Variants in SLC9A9 observed in about 807,000 individuals in gnomAD.
SLC9A9 encodes the protein solute carrier family 9 member A9, also known as sodium/hydrogen exchanger 9.
Under a neutral mutation model 77.8 loss-of-function variants are expected in SLC9A9, and 62 were observed. The observed-to-expected ratio is 0.80, with a 90% CI of 0.65 to 0.98. The LOEUF (loss-of-function observed/expected upper bound fraction) is 0.98. Ranked by LOEUF, SLC9A9 falls within the 50% of genes least tolerant of loss-of-function variation. The pLI, the probability that SLC9A9 is intolerant of heterozygous loss-of-function variation, is 0.00. For missense variants in SLC9A9, 775 were observed against 774.9 expected, an observed-to-expected ratio of 1.00 and a Z score of 0.00; for synonymous variants, 320 against 283.5, an observed-to-expected ratio of 1.13 and a Z score of -1.29.
chr3:143,490,759 G>A lies in SLC9A9; in HGVS notation c.1315+2894C>T, dbSNP rs571208395. Reference sequence around the variant, plus strand: ...TGCTGTGGCTATGAGTCTCAAAACAGTGCCAATGAAAGGGCTCAGGAAGGT... The same window carrying A: ...TGCTGTGGCTATGAGTCTCAAAACAATGCCAATGAAAGGGCTCAGGAAGGT... On this transcript the variant is annotated intron_variant, in intron 11 of 15. Transcript: ENST00000316549. 3.5e-4 allele frequency among the ~76,000 whole-genome samples: 54 copies of A among 152,248 alleles called. 2 individuals are homozygous for A. In the South Asian group the frequency reaches 0.011, roughly 32 times the overall value.
At chr3:143,699,242 T>A (rs1006883988) in intron 4 of SLC9A9, among the ~76,000 whole-genome samples, 1 of 152,176 alleles carries the variant, frequency 6.6e-6, no homozygotes, top group Non-Finnish European at 1.5e-5. Flanking sequence ...AGACTTTTTA[T>A]TTTGAGATAG....
intron 8 of SLC9A9, among the ~76,000 whole-genome samples, chr3:143,565,587 G>C (rs2037154516): frequency 6.6e-6 from 1 of 152,112 alleles, no homozygotes; most frequent in South Asian, 2.1e-4. Context: ...CTTTACACCT[G>C]TGTTTATTGA....
rs543803557 is a variant in SLC9A9, at chr3:143,513,475, G to A, written c.1090-18027C>T. On this transcript the variant is annotated intron_variant, in intron 9 of 15. Coordinates refer to ENST00000316549, the MANE Select transcript of SLC9A9 (RefSeq NM_173653.4). ...AAGTTACTTCCCCCACTGAAGTCTT[G>A]TATCCCTCAAAATCATCCATGAGGG... is the stretch of plus-strand genomic sequence containing the variant. Among the ~76,000 whole-genome samples the A allele has an allele frequency of 3.9e-5, 6 of 152,238 alleles. No individual in the cohort carries two copies. In the South Asian group the frequency reaches 1.2e-3, roughly 32 times the overall value.
At chr3:143,712,857 C>T (rs1934234456) in intron 4 of SLC9A9, among the ~76,000 whole-genome samples, 1 of 152,132 alleles carries the variant, frequency 6.6e-6, no homozygotes, top group South Asian at 2.1e-4. Context: ...CAGAAAATTG[C>T]CAAGACCTTG....
chr3:143,494,850 C>A (rs556345897), intron 10 of SLC9A9, among the ~76,000 whole-genome samples: 2 of 152,328 alleles, frequency 1.3e-5, no homozygotes, highest in East Asian at 3.9e-4. Flanking sequence ...GTTGAAAGCA[C>A]ATGCATCATG....
chr3:143,296,001 A>G (rs905691502), intron 14 of SLC9A9, among the ~76,000 whole-genome samples: 1 of 152,156 alleles, frequency 6.6e-6, no homozygotes, highest in African/African-American at 2.4e-5. Flanking sequence ...AGTGCCTGCA[A>G]TAGTTAATAA....
At chr3:143,800,036 C>T (rs967208006) in intron 2 of SLC9A9, among the ~76,000 whole-genome samples, 2 of 152,170 alleles carry the variant, frequency 1.3e-5, no homozygotes, top group African/African-American at 2.4e-5. Flanking sequence ...ACCTGCCCAG[C>T]TCCCTTATTA....
intron 14 of SLC9A9, among the ~76,000 whole-genome samples, chr3:143,278,954 GAACT>G (rs1204044534): frequency 2.0e-5 from 3 of 151,242 alleles, no homozygotes; most frequent in Admixed American, 1.3e-4. Context: ...ACAAAAAATG[GAACT>G]AACTAACAGG....
At chr3:143,764,207 A>G (rs1398504454) in intron 4 of SLC9A9, among the ~76,000 whole-genome samples, 1 of 152,180 alleles carries the variant, frequency 6.6e-6, no homozygotes, top group Admixed American at 6.5e-5. Context: ...TGAGGTATAT[A>G]ACATACAATG....
intron 4 of SLC9A9, among the ~76,000 whole-genome samples, chr3:143,718,941 T>C (rs1436129863): frequency 6.6e-6 from 1 of 152,174 alleles, no homozygotes; most frequent in Non-Finnish European, 1.5e-5. Flanking sequence ...GCCCCTCAGT[T>C]GTCAGTCTCT....
At chr3:143,375,891 A>G (rs528201828) in intron 13 of SLC9A9, among the ~76,000 whole-genome samples, 3 of 152,078 alleles carry the variant, frequency 2.0e-5, no homozygotes, top group Non-Finnish European at 4.4e-5. Flanking sequence ...CACCTTTGCT[A>G]TTTCTCAAAC....
chr3:143,826,855 C>A (rs1258630918), intron 2 of SLC9A9, among the ~76,000 whole-genome samples: 1 of 152,102 alleles, frequency 6.6e-6, no homozygotes, highest in Non-Finnish European at 1.5e-5. Context: ...TTCCTATTAC[C>A]CTTAATAAGA....
intron 2 of SLC9A9, among the ~76,000 whole-genome samples, chr3:143,811,589 T>C (rs1396536728): frequency 6.6e-6 from 1 of 152,150 alleles, no homozygotes; most frequent in Non-Finnish European, 1.5e-5. Context: ...CTCACACCTA[T>C]AATCCCAGTA....
chr3:143,710,637 A>G (rs1381017674), intron 4 of SLC9A9, among the ~76,000 whole-genome samples: 1 of 152,242 alleles, frequency 6.6e-6, no homozygotes, highest in Non-Finnish European at 1.5e-5. Context: ...GGTCACACTG[A>G]ACCTGGTTTG....
At chr3:143,527,135 A>C (rs779872144) in intron 9 of SLC9A9, among the ~76,000 whole-genome samples, 7 of 152,210 alleles carry the variant, frequency 4.6e-5, no homozygotes, top group Non-Finnish European at 8.8e-5. Flanking sequence ...AGATGATAGC[A>C]CATTTCGGTG....
chr3:143,572,540 A>G (rs1348898875), intron 8 of SLC9A9, among the ~76,000 whole-genome samples: 1 of 152,184 alleles, frequency 6.6e-6, no homozygotes, highest in Non-Finnish European at 1.5e-5. Flanking sequence ...ACATTATTTC[A>G]CTGAAGGGAC....
chr3:143,317,335 C>CAA (rs1345079657), intron 14 of SLC9A9, among the ~76,000 whole-genome samples: 1 of 152,144 alleles, frequency 6.6e-6, no homozygotes, highest in East Asian at 1.9e-4. Flanking sequence ...AGCTACTGCT[C>CAA]CTGCACAACA....
At chr3:143,505,018 G>A (rs966395402) in intron 9 of SLC9A9, among the ~76,000 whole-genome samples, 16 of 151,990 alleles carry the variant, frequency 1.1e-4, no homozygotes, top group Admixed American at 9.8e-4. Flanking sequence ...TTTGATCATC[G>A]GAACAAGTCA....
intron 4 of SLC9A9, among the ~76,000 whole-genome samples, chr3:143,740,622 A>C (rs1188989958): frequency 6.6e-6 from 1 of 152,224 alleles, no homozygotes; most frequent in Non-Finnish European, 1.5e-5. Context: ...CACAAGATTA[A>C]TTTATTTAAT....
Sources: allele counts gnomAD v4.1 joint callset (sites outside exome capture counted in the v4.1 genomes callset), GRCh38; gene constraint gnomAD v4.1.1; transcripts MANE v1.5; gene names NCBI Gene and HGNC (gene_info 2026-07-23, HGNC 2026-07-21).